The following SMARCD3 variants were observed in gnomAD, a reference collection of about 807,000 sequenced individuals.
SMARCD3 encodes the protein SWI/SNF-related matrix-associated actin-dependent regulator of chromatin subfamily D member 3.
A neutral mutation model predicts 58.0 loss-of-function variants in SMARCD3; 14 were observed. That is an observed-to-expected ratio of 0.24 (90% CI 0.16 to 0.38). SMARCD3 has a LOEUF of 0.38. Among genes scored for constraint, SMARCD3 ranks in the 10% least tolerant of loss-of-function variants. The probability of loss-of-function intolerance (pLI) is 1.00; values close to 1 mark genes in which losing one functional copy is unlikely to be tolerated. For synonymous variants in SMARCD3, 253 were observed against 253.8 expected (o/e 1.00, Z 0.03); for missense variants, 408 against 636.9 (o/e 0.64, Z 3.87).
chr7:151,239,595 T>G lies in SMARCD3; in HGVS notation c.1296+29A>C. ...CTTTCCCGCTGTGCTTGTCTTCCAC[T>G]CCAGTACTCCCTGAGTCTCCCTCTT... is the stretch of plus-strand genomic sequence containing the variant. On this transcript the variant is annotated intron_variant, in intron 11 of 12. Transcript: ENST00000262188. This position sits in a 1 kb window ranked among gnomAD's most constrained non-coding sequence, Gnocchi z 7.0. 6.2e-7 allele frequency: 1 copy of G among 1,613,942 alleles called. No homozygotes were observed. Among genetic ancestry groups the G allele is most frequent in the Non-Finnish European group, 8.5e-7 (1 of 1,179,936 alleles).
intron 1 of SMARCD3, among the ~76,000 whole-genome samples, chr7:151,247,379 A>G (rs1803319571): frequency 6.6e-6 from 1 of 151,968 alleles, no homozygotes; most frequent in Non-Finnish European, 1.5e-5. Context: ...CTGGGGCTGG[A>G]GGACAGGCCA....
At chr7:151,266,088 G>A (rs1392630921) in intron 2 of SMARCD3, among the ~76,000 whole-genome samples, 6 of 152,094 alleles carry the variant, frequency 3.9e-5, no homozygotes, top group South Asian at 2.1e-4. Context: ...TCATGCCTCC[G>A]CCTCCTGAGT....
Position 151,239,820 on chromosome 7 carries a change from G to C in SMARCD3, c.1174-74C>G, listed in dbSNP as rs1802865950. ...AGACGAGGGGAAAGGAAGCGGGTGG[G>C]AAGGGGAGGGAGAGGGGGTTTCTTC... On this transcript the variant is annotated intron_variant, in intron 10 of 12. Transcript: ENST00000262188. This position sits in a 1 kb window ranked among gnomAD's most constrained non-coding sequence, Gnocchi z 7.0. The C allele has an allele frequency of 7.4e-7, 1 of 1,351,230 alleles. No homozygotes were observed. The highest frequency in any genetic ancestry group is 1.0e-6 in the Non-Finnish European group (1 of 953,630). 83.7% of individuals were successfully genotyped at this position (1,351,230 alleles called of 1,614,324 possible). A position where few individuals can be genotyped will look rare whatever the true frequency, so the allele number is the denominator to read the frequency against.
At position 151,245,866 on chromosome 7, in the gene SMARCD3, G is replaced by T; in HGVS notation, c.79-195C>A. On this transcript the variant is annotated intron_variant, in intron 1 of 12. Transcript: ENST00000262188. The surrounding 1 kb of genome is among the most constrained non-coding windows in gnomAD (Gnocchi z 6.2). ...GAATCTGCGCGGCTCTGGCGGAGGGGCTTGGCGTCTGGCTGCAGGAAGCTA... is the reference window on the plus strand; with the variant it reads ...GAATCTGCGCGGCTCTGGCGGAGGGTCTTGGCGTCTGGCTGCAGGAAGCTA... The T allele has an allele frequency of 2.6e-6, 1 of 381,250 alleles. No homozygotes were observed. The highest frequency in any genetic ancestry group is 4.6e-6 in the Non-Finnish European group (1 of 215,126). The allele number at this position is 381,250 out of a possible 1,614,324, so 23.6% of individuals were successfully genotyped here.
chr7:151,240,365 G>T, intron 9 of SMARCD3, 60 bp downstream of exon 9: 1 of 1,576,500 alleles, frequency 6.3e-7, no homozygotes, highest in African/African-American at 1.3e-5. Context: ...AGAGGGAGGG[G>T]CAGGGAAGGC....
upstream of SMARCD3, among the ~76,000 whole-genome samples, chr7:151,251,638 G>A (rs903914215): frequency 1.2e-4 from 19 of 152,096 alleles, no homozygotes; most frequent in Non-Finnish European, 2.4e-4. Context: ...GGAGGCCCGG[G>A]AAGAGCGTGG....
chr7:151,241,883 G>T lies in SMARCD3; in HGVS notation c.771C>A (p.Asp257Glu), dbSNP rs1803007370. Residue 257 changes from aspartate (D) to glutamate (E), a missense_variant, in exon 7 of 13, where the codon GAC (aspartate) becomes GAA (glutamate). Physicochemically the swap from Asp to Glu is conservative, Grantham distance 45. Around this residue, in one of 4 missense-constraint regions of SMARCD3, gnomAD observed 115 missense variants for 257.2 expected, o/e 0.45. Coordinates refer to ENST00000262188, the MANE Select transcript of SMARCD3 (RefSeq NM_001003801.2). The surrounding 1 kb of genome is among the most constrained non-coding windows in gnomAD (Gnocchi z 5.3). ...SVRCTLLLMLDYQPPQFKLDP... is the reference protein window; with the variant it reads ...SVRCTLLLMLEYQPPQFKLDP... ...CAGCATGGCAGGTGCAGACCTGGTA[G>T]TCCAGCATGAGGAGCAGCGTGCAGC... is the stretch of plus-strand genomic sequence containing the variant. The T allele has an allele frequency of 6.2e-7, 1 of 1,609,602 alleles. No homozygotes were observed. The highest frequency in any genetic ancestry group is 1.1e-5 in the South Asian group (1 of 90,384).
rs1015790761 is a variant in SMARCD3, at chr7:151,239,940, A to G, written c.1173+172T>C. On this transcript the variant is annotated intron_variant, in intron 10 of 12. Transcript: ENST00000262188. The surrounding 1 kb of genome is among the most constrained non-coding windows in gnomAD (Gnocchi z 7.0). ...AAACTTGGAATGAGGTTCAGCTCCA[A>G]GCAGCATGGACGGGCCATGTGTGTC... 6.6e-6 allele frequency among the ~76,000 whole-genome samples: 1 copy of G among 151,186 alleles called. No individual in the cohort carries two copies. Among genetic ancestry groups the G allele is most frequent in the Non-Finnish European group, 1.5e-5 (1 of 67,908 alleles).
upstream of SMARCD3, among the ~76,000 whole-genome samples, chr7:151,253,551 C>T (rs1248501664): frequency 1.3e-5 from 2 of 152,216 alleles, no homozygotes; most frequent in Non-Finnish European, 2.9e-5. Context: ...CCTCCCACCA[C>T]ACACAACACA....
At chr7:151,251,877 G>C (rs1316891038), upstream of SMARCD3, among the ~76,000 whole-genome samples, 1 of 147,680 alleles carries the variant, frequency 6.8e-6, no homozygotes, top group Non-Finnish European at 1.5e-5. Flanking sequence ...CCCCCACCGC[G>C]CCCGAGCGAG....
intron 2 of SMARCD3, among the ~76,000 whole-genome samples, chr7:151,255,343 C>T (rs1803666056): frequency 6.6e-6 from 1 of 152,208 alleles, no homozygotes; most frequent in Non-Finnish European, 1.5e-5. Context: ...TGCCAGGCTC[C>T]CTTCCAGCAG....
intron 2 of SMARCD3, among the ~76,000 whole-genome samples, chr7:151,274,330 G>A (rs1490744453): frequency 1.3e-5 from 2 of 152,224 alleles, no homozygotes; most frequent in African/African-American, 4.8e-5. Flanking sequence ...TGCCAGCTGG[G>A]GCTCTGGGGC....
chr7:151,266,045 C>T (rs1475970775), intron 2 of SMARCD3, among the ~76,000 whole-genome samples: 2 of 152,112 alleles, frequency 1.3e-5, no homozygotes, highest in Admixed American at 6.5e-5. Flanking sequence ...TCTCGGCTCA[C>T]GGCAATCTCC....
intron 2 of SMARCD3, among the ~76,000 whole-genome samples, chr7:151,268,896 G>A (rs776162426): frequency 2.0e-5 from 3 of 152,146 alleles, no homozygotes; most frequent in South Asian, 2.1e-4. Flanking sequence ...GAACCACTGC[G>A]ACTGGCCTAA....
intron 2 of SMARCD3, among the ~76,000 whole-genome samples, chr7:151,257,727 C>G (rs986236655): frequency 1.3e-5 from 2 of 152,148 alleles, no homozygotes; most frequent in Non-Finnish European, 2.9e-5. Context: ...CCTTCTGAGT[C>G]CCCGGGGACC....
intron 2 of SMARCD3, among the ~76,000 whole-genome samples, chr7:151,257,197 A>C (rs1398769916): frequency 6.7e-6 from 1 of 150,314 alleles, no homozygotes; most frequent in African/African-American, 2.4e-5. Flanking sequence ...GGCCTCCTGA[A>C]ACAATCTCTC....
chr7:151,256,873 GACT>G (rs146851948), intron 2 of SMARCD3, among the ~76,000 whole-genome samples: 12,645 of 151,876 alleles, frequency 0.083, 644 homozygotes, highest in Non-Finnish European at 0.11. Flanking sequence ...CTGTGTTCCC[GACT>G]ACAGCCAGCC....
intron 2 of SMARCD3, among the ~76,000 whole-genome samples, chr7:151,255,000 T>C (rs1803654291): frequency 6.6e-6 from 1 of 152,186 alleles, no homozygotes; most frequent in African/African-American, 2.4e-5. Context: ...GTGGAAGTGC[T>C]GCGCGGACTC....
chr7:151,260,581 T>C (rs1414447919), intron 2 of SMARCD3, among the ~76,000 whole-genome samples: 4 of 152,216 alleles, frequency 2.6e-5, no homozygotes, highest in Non-Finnish European at 1.5e-5. Context: ...GTGTAACTCC[T>C]GTGCGACGTA....
Sources: allele counts gnomAD v4.1 joint callset (sites outside exome capture counted in the v4.1 genomes callset), GRCh38; gene constraint gnomAD v4.1.1; regional missense constraint gnomAD v4.1.1; non-coding constraint Gnocchi (gnomAD v3.1); transcripts MANE v1.5; gene names NCBI Gene and HGNC (gene_info 2026-07-23, HGNC 2026-07-21).